MAMDC2: variants seen among roughly 807,000 people sequenced by gnomAD.
The protein encoded by MAMDC2 is MAM domain-containing protein 2.
A neutral mutation model predicts 89.8 loss-of-function variants in MAMDC2; 57 were observed. The ratio of observed to expected loss-of-function variants is 0.63; its 90% CI spans 0.51 to 0.79. The LOEUF (loss-of-function observed/expected upper bound fraction) is 0.79. Ranked by LOEUF, MAMDC2 falls within the 30% of genes least tolerant of loss-of-function variation. The pLI, the probability that MAMDC2 is intolerant of heterozygous loss-of-function variation, is 0.00. For missense variants in MAMDC2, 800 were observed against 820.6 expected (o/e 0.97, Z 0.31); for synonymous variants, 313 against 293.4 (o/e 1.07, Z -0.68).
At chr9:70,046,332 G>A (rs1459839202) in intron 2 of MAMDC2, among the ~76,000 whole-genome samples, 1 of 152,274 alleles carries the variant, frequency 6.6e-6, no homozygotes, top group African/African-American at 2.4e-5. Flanking sequence ...TGTTGGCTCT[G>A]AGTAGGTCTG....
chr9:70,184,076 G>T (rs1407727797), intron 11 of MAMDC2, among the ~76,000 whole-genome samples: 1 of 152,168 alleles, frequency 6.6e-6, no homozygotes, highest in African/African-American at 2.4e-5. Flanking sequence ...GGCAAGCCTG[G>T]TGGTGACGAA....
At chr9:70,163,319 C>T (rs2032050550) in intron 9 of MAMDC2, among the ~76,000 whole-genome samples, 1 of 151,288 alleles carries the variant, frequency 6.6e-6, no homozygotes, top group Admixed American at 6.6e-5. Flanking sequence ...ACCTTTGCCT[C>T]CTGGGTTCAA....
chr9:70,181,669 T>C (rs139090192), intron 11 of MAMDC2, among the ~76,000 whole-genome samples: 7,101 of 152,166 alleles, frequency 0.047, 197 homozygotes, highest in South Asian at 0.072. Flanking sequence ...CTATTATTGG[T>C]GTATAGGGAT....
intron 11 of MAMDC2, among the ~76,000 whole-genome samples, chr9:70,204,289 C>T (rs2033169195): frequency 6.6e-6 from 1 of 151,570 alleles, no homozygotes; most frequent in African/African-American, 2.4e-5. Context: ...GGACCCTCAG[C>T]TGCAGGTCTG....
Position 70,118,129 on chromosome 9 carries a change from A to G in MAMDC2, c.643+4997A>G, listed in dbSNP as rs114777140. Reference sequence around the variant, plus strand: ...ATTTGGAGAGCATTTGAGAATCCCAAGGTATGTGATCATGGCAGAGGAACC... The same window carrying G: ...ATTTGGAGAGCATTTGAGAATCCCAGGGTATGTGATCATGGCAGAGGAACC... On this transcript the variant is annotated intron_variant, in intron 5 of 13. Coordinates refer to ENST00000377182, the MANE Select transcript of MAMDC2 (RefSeq NM_153267.5). Among the ~76,000 whole-genome samples, 152 of 152,268 alleles carry G rather than the reference A, an allele frequency of 1.0e-3. 1 individual carries two copies. Among genetic ancestry groups the G allele is most frequent in the African/African-American group, 3.1e-3 (128 of 41,540 alleles).
chr9:70,209,691 T>A (rs1014046034), intron 11 of MAMDC2, among the ~76,000 whole-genome samples: 1 of 152,232 alleles, frequency 6.6e-6, no homozygotes, highest in Admixed American at 6.5e-5. Context: ...TGAATGTGTT[T>A]GCTCTTGCTT....
rs764723991 is a variant in MAMDC2 at position 70,177,108 on chromosome 9, C to CA, written c.1651+6478dup. Among the ~76,000 whole-genome samples, 8 of 152,316 alleles carry CA rather than the reference C, an allele frequency of 5.3e-5. No homozygotes were observed. The South Asian group carries it at 1.5e-3, about 28-fold the overall frequency. ...TTCCTACTGTAGATCTCAGCAACCT[C>CA]AGATTTTTCCTTTCCTTGTTAAGTC... is the stretch of plus-strand genomic sequence containing the variant. On this transcript the variant is annotated intron_variant, in intron 11 of 13. Transcript: ENST00000377182.
chr9:70,076,021 C>G (rs1006378305), intron 2 of MAMDC2, among the ~76,000 whole-genome samples: 11 of 152,226 alleles, frequency 7.2e-5, no homozygotes, highest in Admixed American at 7.2e-4. Flanking sequence ...AGTGACGTTA[C>G]AAAGGCTGAG....
Position 70,223,030 on chromosome 9 carries a change from T to A in MAMDC2, c.1912-2720T>A, listed in dbSNP as rs532069400. On this transcript the variant is annotated intron_variant, in intron 12 of 13. Coordinates refer to ENST00000377182, the MANE Select transcript of MAMDC2 (RefSeq NM_153267.5). ...GGTGCATGCCTGTAGCCCCAGCTACTAAGGCGCCTAAGGCAAGAGGATCAC... is the reference window on the plus strand; with the variant it reads ...GGTGCATGCCTGTAGCCCCAGCTACAAAGGCGCCTAAGGCAAGAGGATCAC... Among the ~76,000 whole-genome samples, 5 of 149,388 alleles carry A rather than the reference T, an allele frequency of 3.3e-5. No individual in the cohort carries two copies. In the South Asian group the frequency reaches 1.1e-3, roughly 31 times the overall value.
chr9:70,055,721 A>G (rs951870920), intron 2 of MAMDC2, among the ~76,000 whole-genome samples: 1 of 152,214 alleles, frequency 6.6e-6, no homozygotes, highest in South Asian at 2.1e-4. Context: ...ATAACAGATT[A>G]GAGTTTGCTC....
At chr9:70,112,030 T>C (rs1392485446) in intron 4 of MAMDC2, among the ~76,000 whole-genome samples, 2 of 152,284 alleles carry the variant, frequency 1.3e-5, no homozygotes, top group East Asian at 1.9e-4. Flanking sequence ...GATTTCATTC[T>C]CCTTCCACCC....
At chr9:70,181,026 G>T (rs1175846030) in intron 11 of MAMDC2, among the ~76,000 whole-genome samples, 1 of 152,158 alleles carries the variant, frequency 6.6e-6, no homozygotes, top group African/African-American at 2.4e-5. Context: ...AGTTAATTTT[G>T]TATAAGGTGT....
intron 11 of MAMDC2, among the ~76,000 whole-genome samples, chr9:70,184,625 A>T: frequency 6.6e-6 from 1 of 151,554 alleles, no homozygotes; most frequent in East Asian, 1.9e-4. Context: ...TTATTTCAGT[A>T]AGTTGATCCT....
chr9:70,211,993 TGTC>T (rs1379383391), intron 11 of MAMDC2, among the ~76,000 whole-genome samples: 2 of 152,174 alleles, frequency 1.3e-5, no homozygotes, highest in Non-Finnish European at 2.9e-5. Context: ...CTGGAAGCTT[TGTC>T]TCAGAGGGGC....
chr9:70,162,684 G>A (rs1339255054), intron 9 of MAMDC2, among the ~76,000 whole-genome samples: 1 of 151,876 alleles, frequency 6.6e-6, no homozygotes, highest in Non-Finnish European at 1.5e-5. Flanking sequence ...TAGAGAGGGG[G>A]TTTTGCCATG....
At chr9:70,095,721 G>A (rs574014302) in intron 2 of MAMDC2, among the ~76,000 whole-genome samples, 1 of 152,336 alleles carries the variant, frequency 6.6e-6, no homozygotes, top group East Asian at 1.9e-4. Flanking sequence ...AACGAAGCTG[G>A]AAGGCATGGG....
chr9:70,179,317 C>A (rs555473494), intron 11 of MAMDC2, among the ~76,000 whole-genome samples: 42 of 150,870 alleles, frequency 2.8e-4, no homozygotes, highest in South Asian at 1.9e-3. Context: ...TCGAGACTAT[C>A]CTGGCTAACA....
intron 2 of MAMDC2, among the ~76,000 whole-genome samples, chr9:70,082,229 T>TATAA (rs538933133): frequency 6.5e-4 from 99 of 152,256 alleles, no homozygotes; most frequent in African/African-American, 2.1e-3. Flanking sequence ...ACCCTGTCTC[T>TATAA]ATAAATAAAT....
rs190305159 is a variant in MAMDC2, at chr9:70,131,496, C to G, written c.901-23C>G. The stretch of plus-strand genomic sequence containing the variant: ...AAACCGAAAATATGTGAACATGTGA[C>G]AGCATGCCATTTTCCTCTGCAGGTT... On this transcript the variant is annotated intron_variant, in intron 6 of 13. Transcript: ENST00000377182. The G allele has an allele frequency of 4.5e-5, 69 of 1,542,274 alleles. No individual in the cohort carries two copies. In the African/African-American group the frequency reaches 8.0e-4, roughly 18 times the overall value.
Sources: allele counts gnomAD v4.1 joint callset (sites outside exome capture counted in the v4.1 genomes callset), GRCh38; gene constraint gnomAD v4.1.1; transcripts MANE v1.5; gene names NCBI Gene and HGNC (gene_info 2026-07-23, HGNC 2026-07-21).